Variants in PPIG observed in about 807,000 individuals in gnomAD.
PPIG encodes the protein peptidyl-prolyl cis-trans isomerase G.
PPIG carries 26 observed loss-of-function variants against 87.9 expected under a neutral mutation model. That is an observed-to-expected ratio of 0.30 (90% CI 0.22 to 0.41). The LOEUF (loss-of-function observed/expected upper bound fraction) is 0.41, where lower values mean the gene tolerates loss of function less well. PPIG is among the 10% of genes least tolerant of loss of function. The pLI is 1.00. For missense variants in PPIG, 722 were observed against 879.4 expected, an observed-to-expected ratio of 0.82 and a Z score of 2.26; for synonymous variants, 308 against 276.5, an observed-to-expected ratio of 1.11 and a Z score of -1.13.
Position 169,584,361 on chromosome 2 carries a change from C to G in PPIG, c.-199C>G. On this transcript the variant is annotated 5_prime_UTR_variant, in exon 1 of 14. Transcript: ENST00000260970. ...TGACGCGCTTCCGGTGCGACGCTGT[C>G]TCTCCATGCCAGGACTGAGTTGTGG... 2.1e-6 allele frequency: 1 copy of G among 471,110 alleles called. No individual in the cohort carries two copies. Among genetic ancestry groups the G allele is most frequent in the Non-Finnish European group, 4.4e-6 (1 of 227,042 alleles). 29.2% of individuals were successfully genotyped at this position (471,110 alleles called of 1,614,324 possible).
chr2:169,590,135 A>AC (rs1247447043), intron 1 of PPIG, among the ~76,000 whole-genome samples: 3 of 151,734 alleles, frequency 2.0e-5, no homozygotes, highest in Non-Finnish European at 4.4e-5. Context: ...CAACCAAAAA[A>AC]AAAAAAGAAA....
In PPIG at chr2:169,591,640, T is replaced by A. The variant is rs186235261; in HGVS notation, c.-70+7150T>A. On this transcript the variant is annotated intron_variant, in intron 1 of 13. Transcript: ENST00000260970. ...GAGTCAAGCAGGTGAGGTAAGTACA[T>A]GAGGTCAAGTAGACAATAAATTTTA... Among the ~76,000 whole-genome samples, 50 of 152,200 alleles carry A rather than the reference T, an allele frequency of 3.3e-4. No individual in the cohort carries two copies. In the Middle Eastern group the frequency reaches 0.014, roughly 42 times the overall value.
Position 169,623,904 on chromosome 2 carries a change from TAAA to T in PPIG, c.548-6866_548-6864del, listed in dbSNP as rs780827475. On this transcript the variant is annotated intron_variant, in intron 9 of 13. Transcript: ENST00000260970. ...TGGTGTAAAATCTGTGGGTCTCAAA[TAAA>T]AAACAAAGCAGCATTTTGTTACCTT... Among the ~76,000 whole-genome samples, 4 of 152,296 alleles carry T rather than the reference TAAA, an allele frequency of 2.6e-5. No homozygotes were observed. The East Asian group carries it at 5.8e-4, about 22-fold the overall frequency.
intron 7 of PPIG, among the ~76,000 whole-genome samples, chr2:169,613,284 C>T (rs1194921884): frequency 6.6e-6 from 1 of 152,074 alleles, no homozygotes; most frequent in Non-Finnish European, 1.5e-5. Context: ...AATAGCAGGT[C>T]ATTAATTTTA....
chr2:169,614,205 TTTAG>T (rs1685558934), intron 7 of PPIG, among the ~76,000 whole-genome samples: 1 of 152,224 alleles, frequency 6.6e-6, no homozygotes, highest in African/African-American at 2.4e-5. Context: ...AAATGTCTAT[TTTAG>T]TTACATAAAA....
At chr2:169,619,184 T>A (rs913972552) in intron 9 of PPIG, among the ~76,000 whole-genome samples, 3 of 152,192 alleles carry the variant, frequency 2.0e-5, no homozygotes, top group Non-Finnish European at 2.9e-5. Flanking sequence ...CAGTTTTGAG[T>A]GAGTTTCTTA....
intron 12 of PPIG, among the ~76,000 whole-genome samples, chr2:169,635,553 T>A (rs559004402): frequency 6.6e-6 from 1 of 152,310 alleles, no homozygotes; most frequent in South Asian, 2.1e-4. Context: ...AGCACACTCA[T>A]ATATCTTGGC....
rs1574448069 is a variant in PPIG, at chr2:169,607,882, G to A, written c.289+734G>A. ...TCTCACTCTTTTTTTTAAGAGATGGGATCTCACTGTGTTGCCCGGGCTGGA... is the reference window on the plus strand; with the variant it reads ...TCTCACTCTTTTTTTTAAGAGATGGAATCTCACTGTGTTGCCCGGGCTGGA... On this transcript the variant is annotated intron_variant, in intron 6 of 13. Coordinates refer to ENST00000260970, the MANE Select transcript of PPIG (RefSeq NM_004792.3). Among the ~76,000 whole-genome samples the A allele has an allele frequency of 2.6e-5, 4 of 152,078 alleles. 1 individual carries two copies. The South Asian group carries it at 8.3e-4, about 32-fold the overall frequency.
chr2:169,595,603 C>T (rs998637542), intron 1 of PPIG, among the ~76,000 whole-genome samples: 1 of 152,170 alleles, frequency 6.6e-6, no homozygotes, highest in Non-Finnish European at 1.5e-5. Context: ...ACTCTCTTAT[C>T]TCCAAGAGTT....
At chr2:169,598,502 A>C (rs1685084533) in intron 1 of PPIG, among the ~76,000 whole-genome samples, 1 of 152,110 alleles carries the variant, frequency 6.6e-6, no homozygotes, top group South Asian at 2.1e-4. Flanking sequence ...CGTGTTAGCC[A>C]GGATGGTCTC....
chr2:169,597,058 G>A (rs980981605), intron 1 of PPIG, among the ~76,000 whole-genome samples: 1 of 152,062 alleles, frequency 6.6e-6, no homozygotes, highest in Non-Finnish European at 1.5e-5. Context: ...TCCAAATCTT[G>A]GATATTGTAA....
At chr2:169,613,710 C>T (rs945034096) in intron 7 of PPIG, among the ~76,000 whole-genome samples, 1 of 152,146 alleles carries the variant, frequency 6.6e-6, no homozygotes, top group Non-Finnish European at 1.5e-5. Flanking sequence ...GGGAGGATCG[C>T]TTGAACCCAG....
chr2:169,593,513 C>T (rs1684927933), intron 1 of PPIG, among the ~76,000 whole-genome samples: 1 of 152,190 alleles, frequency 6.6e-6, no homozygotes, highest in Admixed American at 6.5e-5. Flanking sequence ...CAAAAGCCCT[C>T]TCCAGTCTTA....
Position 169,630,825 on chromosome 2 carries a change from C to T in PPIG, c.599C>T (p.Ser200Leu). The T allele has an allele frequency of 1.2e-6, 2 of 1,612,490 alleles. No individual in the cohort carries two copies. The highest frequency in any genetic ancestry group is 1.7e-6 in the Non-Finnish European group (2 of 1,179,432). The stretch of plus-strand genomic sequence containing the variant: ...AAATCATCATCATCTTCCTCCTCCT[C>T]ATCTAGTGACTCAGATAGCTCAAGT... ...RHKSSSSSSS[S>L]SSDSDSSSDS... The change falls in exon 10 of 14, where the codon TCA (serine) becomes TTA (leucine). Residue 200 changes from serine to leucine, a missense_variant. Coordinates refer to ENST00000260970, the MANE Select transcript of PPIG (RefSeq NM_004792.3).
At chr2:169,606,263 T>C in intron 5 of PPIG, 117 bp downstream of exon 5, 1 of 788,246 alleles carries the variant, frequency 1.3e-6, no homozygotes, top group Non-Finnish European at 2.1e-6. Context: ...ATTTAATCTT[T>C]GGTCAATTAG....
rs749734495 is a variant in PPIG, at chr2:169,633,123, A to T, written c.930-37A>T. 89 of 1,487,624 alleles carry T rather than the reference A, an allele frequency of 6.0e-5. No individual in the cohort carries two copies. In the Middle Eastern group the frequency reaches 9.4e-4, roughly 16 times the overall value. The allele number at this position is 1,487,624 out of a possible 1,614,324, so 92.2% of individuals were successfully genotyped here. On this transcript the variant is annotated intron_variant, in intron 11 of 13. Coordinates refer to ENST00000260970, the MANE Select transcript of PPIG (RefSeq NM_004792.3). Reference sequence around the variant, plus strand: ...ACATGTCTGGCCAACAAAAGTTTTTAAAAAAATGTGTTAACTTTCTGTTTG... The same window carrying T: ...ACATGTCTGGCCAACAAAAGTTTTTTAAAAAATGTGTTAACTTTCTGTTTG...
At chr2:169,600,683 A>G (rs778478146) in intron 1 of PPIG, among the ~76,000 whole-genome samples, 1 of 152,158 alleles carries the variant, frequency 6.6e-6, no homozygotes, top group Non-Finnish European at 1.5e-5. Context: ...AAAATAAGAA[A>G]AAAGAAAAAA....
In PPIG at chr2:169,588,320, G is replaced by A. The variant is rs1684763404; in HGVS notation, c.-70+3830G>A. On this transcript the variant is annotated intron_variant, in intron 1 of 13. Coordinates refer to ENST00000260970, the MANE Select transcript of PPIG (RefSeq NM_004792.3). ...TAAACCATTGAATCATGGTTATATG[G>A]TGAAAAGTAATATTAAGCCATTATG... is the stretch of plus-strand genomic sequence containing the variant. 3.3e-5 allele frequency among the ~76,000 whole-genome samples: 5 copies of A among 152,124 alleles called. No individual in the cohort carries two copies. The South Asian group carries it at 6.2e-4, about 19-fold the overall frequency.
At chr2:169,615,789 C>T (rs1003259978) in intron 9 of PPIG, among the ~76,000 whole-genome samples, 2 of 152,158 alleles carry the variant, frequency 1.3e-5, no homozygotes, top group Admixed American at 6.5e-5. Context: ...ACACACTGAT[C>T]TCATTTCCTT....
Sources: gnomAD v4.1 joint callset for allele counts (sites outside exome capture counted in the v4.1 genomes callset) on GRCh38, gnomAD v4.1.1 for gene constraint, MANE v1.5 for transcripts, NCBI Gene and HGNC (gene_info 2026-07-23, HGNC 2026-07-21) for gene names.